The following CANT1 variants were observed in gnomAD, a reference collection of about 807,000 sequenced individuals.
The protein encoded by CANT1 is soluble calcium-activated nucleotidase 1.
A neutral mutation model predicts 30.0 loss-of-function variants in CANT1; 26 were observed. The observed-to-expected ratio is 0.87, with a 90% confidence interval of 0.64 to 1.20. CANT1 has a LOEUF of 1.20. Ranked by LOEUF, CANT1 falls within the 50% of genes most tolerant of loss-of-function variation. The probability of loss-of-function intolerance (pLI) is 0.00; values close to 1 mark genes in which losing one functional copy is unlikely to be tolerated. For synonymous variants in CANT1, 246 were observed against 251.8 expected (o/e 0.98, Z 0.22); for missense variants, 518 against 563.0 (o/e 0.92, Z 0.81).
intron 1 of CANT1, among the ~76,000 whole-genome samples, chr17:79,005,210 G>C (rs1442254244): frequency 7.0e-6 from 1 of 142,954 alleles, no homozygotes; most frequent in Non-Finnish European, 1.5e-5. Flanking sequence ...AGGGGAGTTA[G>C]GGAGAAGGGA....
At chr17:79,005,388 C>T (rs2071513864) in intron 1 of CANT1, 1 of 152,266 alleles carries the variant, frequency 6.6e-6, no homozygotes, top group Non-Finnish European at 1.5e-5. Flanking sequence ...AGGCCATCCC[C>T]AGGCCTGCCG....
In CANT1 at chr17:79,002,404, G is replaced by A. The variant is rs150881612; in HGVS notation, c.-146-4441C>T. 6.6e-6 allele frequency among the ~76,000 whole-genome samples: 1 copy of A among 152,294 alleles called. No individual in the cohort carries two copies. The highest frequency in any genetic ancestry group is 2.4e-5 in the African/African-American group (1 of 41,548). ...CAAGTACCCTCTCGCCTGCTGGGAGGGTTGCAAACTACCACCCGTGGGCCA... is the reference window on the plus strand; with the variant it reads ...CAAGTACCCTCTCGCCTGCTGGGAGAGTTGCAAACTACCACCCGTGGGCCA... On this transcript the variant is annotated intron_variant, in intron 1 of 4. Coordinates refer to ENST00000392446, the MANE Select transcript of CANT1 (RefSeq NM_001159773.2). This position sits in a 1 kb window ranked among gnomAD's most constrained non-coding sequence, Gnocchi z 4.0.
intron 1 of CANT1, chr17:79,005,818 A>C (rs964636098): frequency 3.3e-5 from 5 of 152,246 alleles, no homozygotes; most frequent in African/African-American, 1.2e-4. Context: ...CAAGGCCTTC[A>C]CACACTCATG....
At position 78,993,658 on chromosome 17, in the gene CANT1, GTCC is replaced by G. The variant is rs778232061; in HGVS notation, c.1095_1097del (p.Glu365del). 37 of 1,614,134 alleles carry G rather than the reference GTCC, an allele frequency of 2.3e-5. No individual in the cohort carries two copies. The highest frequency in any genetic ancestry group is 3.1e-5 in the Non-Finnish European group (36 of 1,180,054). On this transcript the variant is annotated inframe_deletion, in exon 5 of 5. Transcript: ENST00000392446. The surrounding 1 kb of genome is among the most constrained non-coding windows in gnomAD (Gnocchi z 4.5). ...TGATGTAGGAGGCGACTCTGCCGCT[GTCC>G]TCCTCGGATTTGAGGGCCACAATGA...
At chr17:79,000,245 C>T (rs2145844731) in intron 1 of CANT1, 1 of 152,318 alleles carries the variant, frequency 6.6e-6, no homozygotes, top group East Asian at 1.9e-4. Flanking sequence ...TTCAAGCTCT[C>T]TCAGGATCCT....
Position 78,993,774 on chromosome 17 carries a change from C to T in CANT1, c.982G>A (p.Gly328Ser), listed in dbSNP as rs369108479. Reference protein sequence around the residue: ...NLLLSASPDFGDIAVSHVGAV... With the variant: ...NLLLSASPDFSDIAVSHVGAV... ...CCGACGTGGCTCACAGCGATGTCGCCGAAGTCAGGGGAGGCGCTCAGCAGC... is the reference window on the plus strand; with the variant it reads ...CCGACGTGGCTCACAGCGATGTCGCTGAAGTCAGGGGAGGCGCTCAGCAGC... Residue 328 changes from glycine to serine, a missense_variant, in exon 5 of 5, where the codon GGC (glycine) becomes AGC (serine). By Grantham distance (56) the Gly-to-Ser change is moderately conservative. Around this residue, in one of 3 missense-constraint regions of CANT1, gnomAD observed 221 missense variants for 211.8 expected, o/e 1.04. Transcript: ENST00000392446. The surrounding 1 kb of genome is among the most constrained non-coding windows in gnomAD (Gnocchi z 4.5). 1.1e-4 allele frequency: 175 copies of T among 1,612,864 alleles called. No individual in the cohort carries two copies. Among genetic ancestry groups the T allele is most frequent in the Non-Finnish European group, 1.4e-4 (169 of 1,179,960 alleles).
At position 78,992,968 on chromosome 17, in the gene CANT1, C is replaced by G; in HGVS notation, c.*582G>C. On this transcript the variant is annotated 3_prime_UTR_variant, in exon 5 of 5. Transcript: ENST00000392446. ...GTTTTATCTGAGGCCTGAGAACCAACAGATGTGCCTGCGCCCTGGCCTGTG... is the reference window on the plus strand; with the variant it reads ...GTTTTATCTGAGGCCTGAGAACCAAGAGATGTGCCTGCGCCCTGGCCTGTG... The G allele has an allele frequency of 2.8e-6, 1 of 356,824 alleles. No homozygotes were observed. The highest frequency in any genetic ancestry group is 5.3e-6 in the Non-Finnish European group (1 of 187,442). The allele number at this position is 356,824 out of a possible 1,614,324, so 22.1% of individuals were successfully genotyped here. A position where few individuals can be genotyped will look rare whatever the true frequency, so the allele number is the denominator to read the frequency against.
chr17:79,006,645 T>A (rs1425898887), intron 1 of CANT1, among the ~76,000 whole-genome samples: 1 of 152,198 alleles, frequency 6.6e-6, no homozygotes, highest in Admixed American at 6.5e-5. Flanking sequence ...TTAATTTGTA[T>A]CATCGATGTT....
rs780145168 is a variant in CANT1, at chr17:78,993,640, G to A, written c.1116C>T (p.Ser372=). The A allele has an allele frequency of 5.3e-5, 85 of 1,614,266 alleles. 4 individuals carry two copies. The South Asian group carries it at 8.7e-4, about 16-fold the overall frequency. ...KSEEDSGRVA[S]YIMAFTLDGR... ...CGTCCAGCGTGAAGGCCATGATGTA[G>A]GAGGCGACTCTGCCGCTGTCCTCCT... Residue 372 remains serine (S), a synonymous_variant, in exon 5 of 5, where the codon TCC becomes TCT. Transcript: ENST00000392446. The surrounding 1 kb of genome is among the most constrained non-coding windows in gnomAD (Gnocchi z 4.5).
intron 1 of CANT1, among the ~76,000 whole-genome samples, chr17:79,009,301 G>A (rs547711592): frequency 6.6e-6 from 1 of 151,976 alleles, no homozygotes; most frequent in African/African-American, 2.4e-5. Flanking sequence ...AATCAGAGGG[G>A]GGAGGTGCCC....
In CANT1 at chr17:78,997,704, G is replaced by C. The variant is rs1006885415; in HGVS notation, c.-22-60C>G. On this transcript the variant is annotated intron_variant, in intron 2 of 4. Transcript: ENST00000392446. The surrounding 1 kb of genome is among the most constrained non-coding windows in gnomAD (Gnocchi z 7.5). ...CCTCCGCAAGCCCAGTCACATCTTA[G>C]TTCCGGAAGCTGCAGGCGCTGGAGG... is the stretch of plus-strand genomic sequence containing the variant. 7.0e-7 allele frequency: 1 copy of C among 1,434,148 alleles called. No homozygotes were observed. Among genetic ancestry groups the C allele is most frequent in the Admixed American group, 2.7e-5 (1 of 36,776 alleles). The allele number at this position is 1,434,148 out of a possible 1,614,324, so 88.8% of individuals were successfully genotyped here.
chr17:79,002,942 C>T lies in CANT1; in HGVS notation c.-146-4979G>A, dbSNP rs192096059. 0.016 allele frequency among the ~76,000 whole-genome samples: 2,383 copies of T among 151,864 alleles called. 54 individuals carry two copies. Among genetic ancestry groups the T allele is most frequent in the African/African-American group, 0.055 (2,253 of 41,264 alleles). ...GCATCTACACCGTGGCACACGCTCC[C>T]CACCCGGGAGGCTCATGTCCTCTGA... On this transcript the variant is annotated intron_variant, in intron 1 of 4. Transcript: ENST00000392446. This position sits in a 1 kb window ranked among gnomAD's most constrained non-coding sequence, Gnocchi z 4.0.
At position 78,996,803 on chromosome 17, in the gene CANT1, G is replaced by C; in HGVS notation, c.631+189C>G. On this transcript the variant is annotated intron_variant, in intron 3 of 4. Coordinates refer to ENST00000392446, the MANE Select transcript of CANT1 (RefSeq NM_001159773.2). This position sits in a 1 kb window ranked among gnomAD's most constrained non-coding sequence, Gnocchi z 5.1. ...CCTCCTAGAAACTGCTCAGTGTGAAGTGACAGTAGGCTATGCTCCTGGCTA... is the reference window on the plus strand; with the variant it reads ...CCTCCTAGAAACTGCTCAGTGTGAACTGACAGTAGGCTATGCTCCTGGCTA... 3 of 802,042 alleles carry C rather than the reference G, an allele frequency of 3.7e-6. No individual in the cohort carries two copies. Among genetic ancestry groups the C allele is most frequent in the South Asian group, 1.4e-5 (1 of 72,770 alleles). The allele number at this position is 802,042 out of a possible 1,614,324, so 49.7% of individuals were successfully genotyped here. A position where few individuals can be genotyped will look rare whatever the true frequency, so the allele number is the denominator to read the frequency against.
chr17:78,999,368 C>T (rs1047704983), intron 1 of CANT1, among the ~76,000 whole-genome samples: 1 of 152,228 alleles, frequency 6.6e-6, no homozygotes, highest in African/African-American at 2.4e-5. Flanking sequence ...CCTCCTCTGA[C>T]TGCATCCAGG....
Position 79,002,501 on chromosome 17 carries a change from A to G in CANT1, c.-146-4538T>C, listed in dbSNP as rs2071300576. 6.6e-6 allele frequency among the ~76,000 whole-genome samples: 1 copy of G among 151,798 alleles called. No individual in the cohort carries two copies. Among genetic ancestry groups the G allele is most frequent in the African/African-American group, 2.4e-5 (1 of 41,296 alleles). The stretch of plus-strand genomic sequence containing the variant: ...TATGTGGTTGCAGCTTGGTGTGTAG[A>G]CTCTGCCTGGTGTGTAGACGCGGCC... On this transcript the variant is annotated intron_variant, in intron 1 of 4. Coordinates refer to ENST00000392446, the MANE Select transcript of CANT1 (RefSeq NM_001159773.2). The surrounding 1 kb of genome is among the most constrained non-coding windows in gnomAD (Gnocchi z 4.0).
rs2071036989 is a variant in CANT1, at chr17:78,996,472, C to T, written c.631+520G>A. Among the ~76,000 whole-genome samples, 1 of 152,204 alleles carries T rather than the reference C, an allele frequency of 6.6e-6. No homozygotes were observed. Among genetic ancestry groups the T allele is most frequent in the South Asian group, 2.1e-4 (1 of 4,834 alleles). ...GAACAAAAAGGCTGGCATCAGGCTC[C>T]ACTCCAGGGGGGTTGGCACAGCTCA... is the stretch of plus-strand genomic sequence containing the variant. On this transcript the variant is annotated intron_variant, in intron 3 of 4. Transcript: ENST00000392446. The surrounding 1 kb of genome is among the most constrained non-coding windows in gnomAD (Gnocchi z 5.1).
At chr17:78,999,807 C>T (rs1376875601) in intron 1 of CANT1, among the ~76,000 whole-genome samples, 3 of 152,006 alleles carry the variant, frequency 2.0e-5, no homozygotes, top group African/African-American at 2.4e-5. Context: ...GCATGCACCA[C>T]CACGCCCGTC....
At position 78,992,509 on chromosome 17, in the gene CANT1, A is replaced by G. The variant is rs1272776708; in HGVS notation, c.*1041T>C. 2 of 371,336 alleles carry G rather than the reference A, an allele frequency of 5.4e-6. No homozygotes were observed. Among genetic ancestry groups the G allele is most frequent in the Non-Finnish European group, 1.0e-5 (2 of 192,026 alleles). 23.0% of individuals were successfully genotyped at this position (371,336 alleles called of 1,614,324 possible). ...AAGTTTCCACAGAGAAGAGCCTGCA[A>G]AACTCCCACTGGAAGAGGAGAAATA... On this transcript the variant is annotated 3_prime_UTR_variant, in exon 5 of 5. Coordinates refer to ENST00000392446, the MANE Select transcript of CANT1 (RefSeq NM_001159773.2).
In CANT1 at chr17:78,993,773, C is replaced by T; in HGVS notation, c.983G>A (p.Gly328Asp). The change falls in exon 5 of 5, where the codon GGC becomes GAC. Residue 328 changes from glycine (G) to aspartate (D), a missense_variant. Physicochemically the swap from Gly to Asp is moderately conservative, Grantham distance 94 (BLOSUM62 -1). This residue lies in a region of CANT1 where 221 missense variants were observed against 211.8 expected (regional missense o/e 1.04). Transcript: ENST00000392446. The surrounding 1 kb of genome is among the most constrained non-coding windows in gnomAD (Gnocchi z 4.5). ...CCCGACGTGGCTCACAGCGATGTCGCCGAAGTCAGGGGAGGCGCTCAGCAG... is the reference window on the plus strand; with the variant it reads ...CCCGACGTGGCTCACAGCGATGTCGTCGAAGTCAGGGGAGGCGCTCAGCAG... Reference protein sequence around the residue: ...NLLLSASPDFGDIAVSHVGAV... With the variant: ...NLLLSASPDFDDIAVSHVGAV... 6.2e-7 allele frequency: 1 copy of T among 1,613,074 alleles called. No homozygotes were observed. Among genetic ancestry groups the T allele is most frequent in the Non-Finnish European group, 8.5e-7 (1 of 1,179,964 alleles).
Sources: gnomAD v4.1 joint callset for allele counts (sites outside exome capture counted in the v4.1 genomes callset) on GRCh38, gnomAD v4.1.1 for gene constraint, gnomAD v4.1.1 regional missense constraint, Gnocchi (gnomAD v3.1) non-coding constraint, MANE v1.5 for transcripts, NCBI Gene and HGNC (gene_info 2026-07-23, HGNC 2026-07-21) for gene names.